CDYL: variants seen among roughly 807,000 people sequenced by gnomAD.
The protein encoded by CDYL is chromodomain Y-like protein.
Under a neutral mutation model 47.3 loss-of-function variants are expected in CDYL, and 8 were observed. The observed-to-expected ratio is 0.17, with a 90% CI of 0.10 to 0.31. The LOEUF is 0.31. Ranked by LOEUF, CDYL falls within the 10% of genes least tolerant of loss-of-function variation. CDYL has a pLI of 1.00. For missense variants in CDYL, 471 were observed against 701.4 expected (o/e 0.67, Z 3.71); for synonymous variants, 266 against 265.0 (o/e 1.00, Z -0.04).
At chr6:4,929,493 TACACACACACACAC>T (rs71540836) in intron 2 of CDYL, among the ~76,000 whole-genome samples, 5 of 144,038 alleles carry the variant, frequency 3.5e-5, no homozygotes, top group African/African-American at 1.3e-4. Context: ...ATGTTTTACT[TACACACACACACAC>T]ACACACACAC....
At chr6:4,776,264 A>G (rs1252530052), upstream of CDYL, among the ~76,000 whole-genome samples, 1 of 138,458 alleles carries the variant, frequency 7.2e-6, no homozygotes, top group South Asian at 2.3e-4. Flanking sequence ...AGCGGAGCCC[A>G]CTGCTCCCCT....
At chr6:4,948,589 G>A (rs1758601032) in intron 5 of CDYL, among the ~76,000 whole-genome samples, 2 of 152,148 alleles carry the variant, frequency 1.3e-5, no homozygotes, top group African/African-American at 4.8e-5. Flanking sequence ...TCACACATGA[G>A]GAGATGGCCG....
intron 3 of CDYL, among the ~76,000 whole-genome samples, chr6:4,746,360 CAAA>C (rs1157122372): frequency 1.1e-4 from 10 of 95,114 alleles, no homozygotes; most frequent in African/African-American, 2.4e-4. Context: ...CAGACTCTCT[CAAA>C]AAAAAAAAAA....
chr6:4,781,979 G>C (rs1348123791), intron 1 of CDYL, among the ~76,000 whole-genome samples: 2 of 149,136 alleles, frequency 1.3e-5, no homozygotes, highest in Non-Finnish European at 3.0e-5. Context: ...GTTCCGAGAA[G>C]CTTCTTTTTG....
At position 4,920,737 on chromosome 6, in the gene CDYL, G is replaced by A. The variant is rs541411456; in HGVS notation, c.692-14778G>A. Among the ~76,000 whole-genome samples, 202 of 152,256 alleles carry A rather than the reference G, an allele frequency of 1.3e-3. 1 individual carries two copies. Among genetic ancestry groups the A allele is most frequent in the African/African-American group, 4.6e-3 (190 of 41,548 alleles). On this transcript the variant is annotated intron_variant, in intron 2 of 6. Transcript: ENST00000397588. ...AGGTTCAAGTGATTCTCCTGCCTCCGCCTCTGGAGGTGGGATTACAGTCAC... is the reference window on the plus strand; with the variant it reads ...AGGTTCAAGTGATTCTCCTGCCTCCACCTCTGGAGGTGGGATTACAGTCAC...
intron 2 of CDYL, among the ~76,000 whole-genome samples, chr6:4,901,749 T>C (rs977716866): frequency 1.3e-5 from 2 of 152,324 alleles, no homozygotes; most frequent in East Asian, 3.9e-4. Flanking sequence ...CTGTGTCAAG[T>C]GAGTGAAACT....
intron 1 of CDYL, among the ~76,000 whole-genome samples, chr6:4,789,591 A>G (rs1397783725): frequency 6.6e-6 from 1 of 152,198 alleles, no homozygotes; most frequent in East Asian, 1.9e-4. Flanking sequence ...GGAGCTCTGC[A>G]GTGCTCTGTG....
intron 1 of CDYL, among the ~76,000 whole-genome samples, chr6:4,873,883 T>C (rs1294640512): frequency 6.6e-6 from 1 of 152,210 alleles, no homozygotes; most frequent in East Asian, 1.9e-4. Context: ...TTTCACCTCC[T>C]GCCACTGCTT....
intron 1 of CDYL, among the ~76,000 whole-genome samples, chr6:4,821,504 C>T (rs1258806968): frequency 2.0e-5 from 3 of 151,874 alleles, no homozygotes; most frequent in African/African-American, 4.8e-5. Context: ...GGGGCCGAAG[C>T]GGGCGGATCA....
intron 1 of CDYL, among the ~76,000 whole-genome samples, chr6:4,879,718 C>T (rs2127477464): frequency 6.6e-6 from 1 of 152,012 alleles, no homozygotes; most frequent in South Asian, 2.1e-4. Flanking sequence ...ACCATCATGC[C>T]CAGCTAATTT....
chr6:4,828,868 A>C (rs1760055499), intron 1 of CDYL, among the ~76,000 whole-genome samples: 1 of 151,164 alleles, frequency 6.6e-6, no homozygotes, highest in Admixed American at 6.6e-5. Context: ...TCGTTGATTA[A>C]TTTTTTTCTG....
At chr6:4,726,935 T>G (rs1422268942) in intron 2 of CDYL, among the ~76,000 whole-genome samples, 1 of 152,120 alleles carries the variant, frequency 6.6e-6, no homozygotes, top group Non-Finnish European at 1.5e-5. Context: ...TTGTAAGGAT[T>G]AAATAATATA....
At chr6:4,814,080 A>C (rs1364820113) in intron 1 of CDYL, among the ~76,000 whole-genome samples, 1 of 152,154 alleles carries the variant, frequency 6.6e-6, no homozygotes, top group African/African-American at 2.4e-5. Flanking sequence ...CACCTGGCCA[A>C]GTATTTTTTA....
chr6:4,878,056 T>G (rs1471546094), intron 1 of CDYL, among the ~76,000 whole-genome samples: 1 of 152,172 alleles, frequency 6.6e-6, no homozygotes, highest in Non-Finnish European at 1.5e-5. Flanking sequence ...CATAGTATGG[T>G]GGATTATATT....
intron 2 of CDYL, chr6:4,733,109 G>GT (rs1232231442): frequency 2.0e-5 from 3 of 152,292 alleles, no homozygotes; most frequent in African/African-American, 7.2e-5. Flanking sequence ...ATACACATGA[G>GT]TGTCTCCCTC....
At chr6:4,849,495 A>G (rs1760759742) in intron 1 of CDYL, among the ~76,000 whole-genome samples, 1 of 152,166 alleles carries the variant, frequency 6.6e-6, no homozygotes, top group South Asian at 2.1e-4. Flanking sequence ...GTTCTTTTTA[A>G]AGATTAACAA....
chr6:4,726,548 A>AAAC (rs1400029791), intron 2 of CDYL, among the ~76,000 whole-genome samples: 1 of 151,532 alleles, frequency 6.6e-6, no homozygotes, highest in African/African-American at 2.4e-5. Context: ...AAAAAAAAAA[A>AAAC]AAATTAGCTG....
chr6:4,817,164 A>T (rs1303634107), intron 1 of CDYL, among the ~76,000 whole-genome samples: 1 of 152,094 alleles, frequency 6.6e-6, no homozygotes, highest in African/African-American at 2.4e-5. Flanking sequence ...GTTGTGTTGT[A>T]TGTGAAAGAG....
rs143438686 is a variant in CDYL at position 4,781,577 on chromosome 6, C to T, written c.24+4770C>T. ...TGAGAATATTATTTATTCATTTGCCCCAGCAGCAGTGTGGAGACCTCTCAT... is the reference window on the plus strand; with the variant it reads ...TGAGAATATTATTTATTCATTTGCCTCAGCAGCAGTGTGGAGACCTCTCAT... On this transcript the variant is annotated intron_variant, in intron 1 of 6. Coordinates refer to ENST00000397588, the MANE Select transcript of CDYL (RefSeq NM_004824.4). Among the ~76,000 whole-genome samples, 281 of 152,196 alleles carry T rather than the reference C, an allele frequency of 1.8e-3. 5 individuals are homozygous for T. Among genetic ancestry groups the T allele is most frequent in the African/African-American group, 5.6e-3 (234 of 41,514 alleles).
Sources: allele counts gnomAD v4.1 joint callset (sites outside exome capture counted in the v4.1 genomes callset), GRCh38; gene constraint gnomAD v4.1.1; transcripts MANE v1.5; gene names NCBI Gene and HGNC (gene_info 2026-07-23, HGNC 2026-07-21).